SEC11A: variants seen among roughly 807,000 people sequenced by gnomAD.
SEC11A encodes the protein signal peptidase complex catalytic subunit SEC11A.
In SEC11A, 14 loss-of-function variants were observed where a neutral mutation model predicts 25.6. That is an observed-to-expected ratio of 0.55 (90% CI 0.36 to 0.85). The LOEUF (loss-of-function observed/expected upper bound fraction) is 0.85, where lower values mean the gene tolerates loss of function less well. SEC11A is among the 40% of genes least tolerant of loss of function. The pLI is 0.01. For missense variants in SEC11A, 153 were observed against 222.9 expected (o/e 0.69, Z 2.00); for synonymous variants, 83 against 76.4 (o/e 1.09, Z -0.45).
At chr15:84,695,608 G>A (rs1897744914) in intron 1 of SEC11A, among the ~76,000 whole-genome samples, 1 of 152,178 alleles carries the variant, frequency 6.6e-6, no homozygotes, top group Non-Finnish European at 1.5e-5. Context: ...TCTAGCCCAG[G>A]TGCCAGAGCA....
chr15:84,676,371 C>T (rs556753982), intron 4 of SEC11A, among the ~76,000 whole-genome samples: 111 of 151,038 alleles, frequency 7.3e-4, no homozygotes, highest in African/African-American at 2.7e-3. Context: ...GAGGCTGAGG[C>T]AGGAGAATTG....
Position 84,691,659 on chromosome 15 carries a change from C to G in SEC11A, c.52-15G>C, listed in dbSNP as rs1897611331. On this transcript the variant is annotated splice_polypyrimidine_tract_variant and intron_variant, in intron 1 of 5. Coordinates refer to ENST00000268220, the MANE Select transcript of SEC11A (RefSeq NM_014300.4). Reference sequence around the variant, plus strand: ...TGATAATAGAGCTGCAAGAACAAAACAGAAGAGATCAGATCCACCATTATC... The same window carrying G: ...TGATAATAGAGCTGCAAGAACAAAAGAGAAGAGATCAGATCCACCATTATC... 2 of 1,404,846 alleles carry G rather than the reference C, an allele frequency of 1.4e-6. No homozygotes were observed. Among genetic ancestry groups the G allele is most frequent in the African/African-American group, 1.4e-5 (1 of 70,636 alleles). The allele number at this position is 1,404,846 out of a possible 1,614,324, so 87.0% of individuals were successfully genotyped here.
chr15:84,710,228 A>C (rs1280468202), intron 1 of SEC11A, among the ~76,000 whole-genome samples: 1 of 152,214 alleles, frequency 6.6e-6, no homozygotes, highest in Non-Finnish European at 1.5e-5. Flanking sequence ...AAATTATATA[A>C]GTAGTCCATG....
chr15:84,671,776 A>G (rs964004686), intron 4 of SEC11A: 5 of 152,162 alleles, frequency 3.3e-5, no homozygotes, highest in African/African-American at 9.7e-5. Flanking sequence ...TGCCTGATTG[A>G]ATGTCTGAAT....
rs1417084166 is a variant in SEC11A at position 84,670,164 on chromosome 15, G to A, written c.490-95C>T. On this transcript the variant is annotated intron_variant, in intron 5 of 5. Coordinates refer to ENST00000268220, the MANE Select transcript of SEC11A (RefSeq NM_014300.4). ...ACAAATTGGTCTTTGTGAATATATC[G>A]CTAAACTACCCAATTATTCTTTCAT... 17 of 1,101,036 alleles carry A rather than the reference G, an allele frequency of 1.5e-5. No individual in the cohort carries two copies. The East Asian group carries it at 1.9e-4, about 12-fold the overall frequency. 68.2% of individuals were successfully genotyped at this position (1,101,036 alleles called of 1,614,324 possible).
intron 1 of SEC11A, among the ~76,000 whole-genome samples, chr15:84,712,828 G>A (rs1898324469): frequency 6.6e-6 from 1 of 152,124 alleles, no homozygotes; most frequent in Non-Finnish European, 1.5e-5. Context: ...CTGACAAAAA[G>A]CACATTAGAG....
At position 84,681,943 on chromosome 15, in the gene SEC11A, G is replaced by A. The variant is rs144949106; in HGVS notation, c.312-1111C>T. On this transcript the variant is annotated intron_variant, in intron 3 of 5. Coordinates refer to ENST00000268220, the MANE Select transcript of SEC11A (RefSeq NM_014300.4). The stretch of plus-strand genomic sequence containing the variant: ...AAATTAGCCAAGCATGATGGTGTGC[G>A]CCTGTGGTTCCAGCTGAGTTAAGAG... Among the ~76,000 whole-genome samples the A allele has an allele frequency of 2.8e-4, 42 of 152,156 alleles. 1 individual carries two copies. In the East Asian group the frequency reaches 5.2e-3, roughly 19 times the overall value.
At chr15:84,688,934 C>T (rs909051447) in intron 2 of SEC11A, among the ~76,000 whole-genome samples, 4 of 150,496 alleles carry the variant, frequency 2.7e-5, no homozygotes, top group East Asian at 2.0e-4. Context: ...AGGAGGCTGA[C>T]GCAGAAGAAT....
At chr15:84,679,285 G>C in intron 4 of SEC11A, 1 of 1,252,884 alleles carries the variant, frequency 8.0e-7, no homozygotes, top group South Asian at 1.3e-5. Flanking sequence ...AAGCACTGAT[G>C]ACCTAATTTG....
At chr15:84,707,161 TCTC>T (rs1292240609) in intron 1 of SEC11A, among the ~76,000 whole-genome samples, 1 of 151,302 alleles carries the variant, frequency 6.6e-6, no homozygotes, top group African/African-American at 2.4e-5. Flanking sequence ...TTATCCAGCT[TCTC>T]CTACAATTGT....
At position 84,701,165 on chromosome 15, in the gene SEC11A, G is replaced by GA. The variant is rs34721959; in HGVS notation, c.52-9522dup. Among the ~76,000 whole-genome samples the GA allele has an allele frequency of 7.5e-3, 886 of 118,342 alleles. 4 individuals are homozygous for GA. Among genetic ancestry groups the GA allele is most frequent in the African/African-American group, 0.024 (731 of 30,418 alleles). 77.6% of individuals were successfully genotyped at this position (118,342 alleles called of 152,430 possible). ...TTATCTCAAATGAAAAAGCAAATAG[G>GA]AAAAAAAAAAAAAAAAAGACTGAGC... is the stretch of plus-strand genomic sequence containing the variant. On this transcript the variant is annotated intron_variant, in intron 1 of 5. Transcript: ENST00000268220.
chr15:84,711,230 A>C (rs999442957), intron 1 of SEC11A, among the ~76,000 whole-genome samples: 1 of 151,808 alleles, frequency 6.6e-6, no homozygotes, highest in Admixed American at 6.6e-5. Context: ...AAAAACACAA[A>C]AATTAGCCAG....
At chr15:84,696,786 G>C (rs1020640898) in intron 1 of SEC11A, among the ~76,000 whole-genome samples, 1 of 152,062 alleles carries the variant, frequency 6.6e-6, no homozygotes, top group Admixed American at 6.6e-5. Flanking sequence ...CACAGTTCAC[G>C]TCTATTTTGT....
At position 84,688,103 on chromosome 15, in the gene SEC11A, T is replaced by A. The variant is rs531664401; in HGVS notation, c.162-329A>T. ...AAATGACAAACAGAATATAAAAGAA[T>A]GAACTTTAAAACAATGCCCTTATTC... On this transcript the variant is annotated intron_variant, in intron 2 of 5. Transcript: ENST00000268220. 2.0e-5 allele frequency among the ~76,000 whole-genome samples: 3 copies of A among 152,312 alleles called. No homozygotes were observed. In the East Asian group the frequency reaches 5.8e-4, roughly 29 times the overall value.
chr15:84,674,707 C>T (rs1321264954), intron 4 of SEC11A, among the ~76,000 whole-genome samples: 5 of 152,030 alleles, frequency 3.3e-5, no homozygotes, highest in East Asian at 1.9e-4. Context: ...TACAAGTGCA[C>T]GCCACCATGC....
chr15:84,695,046 C>T (rs1040020959), intron 1 of SEC11A, among the ~76,000 whole-genome samples: 11 of 125,510 alleles, frequency 8.8e-5, no homozygotes, highest in Non-Finnish European at 1.1e-4. Context: ...GCTGAGATCG[C>T]ACCATTGCAT....
At chr15:84,686,695 AT>A (rs1453666472) in intron 3 of SEC11A, 13 of 151,774 alleles carry the variant, frequency 8.6e-5, no homozygotes, top group African/African-American at 2.9e-4. Context: ...CTTTTCTTTC[AT>A]TTCTTTCTTT....
At chr15:84,710,642 A>G (rs1404704829) in intron 1 of SEC11A, among the ~76,000 whole-genome samples, 1 of 152,194 alleles carries the variant, frequency 6.6e-6, no homozygotes, top group Non-Finnish European at 1.5e-5. Flanking sequence ...TGTCTCAAAT[A>G]AAAAAGTGAT....
intron 1 of SEC11A, among the ~76,000 whole-genome samples, chr15:84,695,891 T>C (rs1324703774): frequency 6.6e-6 from 1 of 152,208 alleles, no homozygotes; most frequent in African/African-American, 2.4e-5. Flanking sequence ...TTTTCTGATA[T>C]ACATACTTCA....
Sources: allele counts gnomAD v4.1 joint callset (sites outside exome capture counted in the v4.1 genomes callset), GRCh38; gene constraint gnomAD v4.1.1; transcripts MANE v1.5; gene names NCBI Gene and HGNC (gene_info 2026-07-23, HGNC 2026-07-21).